The following HIPK2 variants were observed in gnomAD, a reference collection of about 807,000 sequenced individuals.
The protein encoded by HIPK2 is homeodomain-interacting protein kinase 2.
Under a neutral mutation model 113.7 loss-of-function variants are expected in HIPK2, and 27 were observed. That is an observed-to-expected ratio of 0.24 (90% CI 0.17 to 0.33). HIPK2 has a LOEUF of 0.33. Ranked by LOEUF, HIPK2 falls within the 10% of genes least tolerant of loss-of-function variation. HIPK2 has a pLI of 1.00. For synonymous variants in HIPK2, 631 were observed against 642.2 expected (o/e 0.98, Z 0.26); for missense variants, 1,257 against 1,588.0 (o/e 0.79, Z 3.54).
intron 1 of HIPK2, among the ~76,000 whole-genome samples, chr7:139,734,777 C>A (rs1207246835): frequency 6.6e-6 from 1 of 152,210 alleles, no homozygotes; most frequent in Non-Finnish European, 1.5e-5. Flanking sequence ...GGACTCCTAA[C>A]TTGTATGGTG....
chr7:139,682,293 G>A (rs778521103), intron 2 of HIPK2, among the ~76,000 whole-genome samples: 1 of 152,188 alleles, frequency 6.6e-6, no homozygotes, highest in Admixed American at 6.5e-5. Context: ...AGCCCATAGT[G>A]AGTCAAGACC....
intron 6 of HIPK2, 40 bp downstream of exon 6, chr7:139,626,561 T>C: frequency 6.3e-7 from 1 of 1,585,326 alleles, no homozygotes; most frequent in Non-Finnish European, 8.6e-7. Context: ...CCTTTAAAGT[T>C]TGCCGATCCC....
intron 1 of HIPK2, among the ~76,000 whole-genome samples, chr7:139,720,722 AG>A (rs1795383490): frequency 6.6e-6 from 1 of 152,222 alleles, no homozygotes; most frequent in African/African-American, 2.4e-5. Flanking sequence ...AAAGCAAAAC[AG>A]CCATTTCCTT....
intron 7 of HIPK2, among the ~76,000 whole-genome samples, chr7:139,620,142 C>A (rs1362817703): frequency 6.6e-6 from 1 of 152,254 alleles, no homozygotes; most frequent in East Asian, 1.9e-4. Flanking sequence ...CACATCAGGA[C>A]AGAGGAAAGC....
intron 1 of HIPK2, among the ~76,000 whole-genome samples, chr7:139,743,677 C>T (rs1169394412): frequency 2.0e-5 from 3 of 149,764 alleles, no homozygotes; most frequent in Admixed American, 2.0e-4. Flanking sequence ...CCCTGCTGTT[C>T]CAAGTTCCAG....
chr7:139,648,502 A>G (rs184579701), intron 2 of HIPK2, among the ~76,000 whole-genome samples: 9 of 152,280 alleles, frequency 5.9e-5, no homozygotes, highest in Admixed American at 5.9e-4. Flanking sequence ...GGAAAGGCTG[A>G]TGAAGGGAAT....
chr7:139,638,656 C>CTTTTTTTTTTTTTTTTTTTTTTTTTT lies in HIPK2; in HGVS notation c.1104-6932_1104-6931insAAAAAAAAAAAAAAAAAAAAAAAAAA, dbSNP rs1184555180. 6.1e-5 allele frequency among the ~76,000 whole-genome samples: 8 copies of CTTTTTTTTTTTTTTTTTTTTTTTTTT among 130,248 alleles called. 1 individual carries two copies. The highest frequency in any genetic ancestry group is 2.4e-4 in the African/African-American group (8 of 32,922). The allele number at this position is 130,248 out of a possible 152,430, so 85.4% of individuals were successfully genotyped here. On this transcript the variant is annotated intron_variant, in intron 2 of 14. Transcript: ENST00000406875. ...CTGGAGAAAGAGAGTAAATAATTGT[C>CTTTTTTTTTTTTTTTTTTTTTTTTTT]TTTTTTTTTTTTTTTTTTTGAGACA...
At chr7:139,707,473 C>G (rs1325658658) in intron 2 of HIPK2, among the ~76,000 whole-genome samples, 1 of 152,246 alleles carries the variant, frequency 6.6e-6, no homozygotes, top group East Asian at 1.9e-4. Flanking sequence ...ATCGAGGACT[C>G]AGAACATGCT....
intron 2 of HIPK2, among the ~76,000 whole-genome samples, chr7:139,691,551 CTA>C (rs1238408581): frequency 6.6e-6 from 1 of 152,252 alleles, no homozygotes; most frequent in Admixed American, 6.5e-5. Flanking sequence ...AGCACAATTT[CTA>C]TGTGAAACAC....
intron 1 of HIPK2, among the ~76,000 whole-genome samples, chr7:139,718,007 G>C (rs1795299496): frequency 6.6e-6 from 1 of 152,118 alleles, no homozygotes; most frequent in Non-Finnish European, 1.5e-5. Context: ...GCCTCCCAAA[G>C]TGCTGGGATT....
intron 2 of HIPK2, among the ~76,000 whole-genome samples, chr7:139,672,100 A>G (rs1291846152): frequency 2.0e-5 from 3 of 152,036 alleles, no homozygotes; most frequent in African/African-American, 7.2e-5. Context: ...ATTGTTCAAT[A>G]TTTATCTAGT....
At chr7:139,688,129 G>A (rs973423369) in intron 2 of HIPK2, among the ~76,000 whole-genome samples, 2 of 151,952 alleles carry the variant, frequency 1.3e-5, no homozygotes, top group East Asian at 1.9e-4. Context: ...GGGCCTGCAG[G>A]GACAATCCAC....
At chr7:139,636,698 T>C (rs1166608442) in intron 2 of HIPK2, among the ~76,000 whole-genome samples, 1 of 152,294 alleles carries the variant, frequency 6.6e-6, no homozygotes, top group Non-Finnish European at 1.5e-5. Flanking sequence ...CATGGCCCTG[T>C]TGACACCTTG....
At chr7:139,616,663 T>C (rs1800054419) in intron 7 of HIPK2, among the ~76,000 whole-genome samples, 1 of 152,212 alleles carries the variant, frequency 6.6e-6, no homozygotes, top group Non-Finnish European at 1.5e-5. Context: ...AATGAATTGC[T>C]CCTTCCTTTG....
intron 2 of HIPK2, among the ~76,000 whole-genome samples, chr7:139,684,003 G>A (rs186224362): frequency 5.3e-5 from 8 of 151,570 alleles, no homozygotes; most frequent in Admixed American, 3.9e-4. Flanking sequence ...ACCGTGCATC[G>A]AGCCGGTCTA....
At position 139,633,062 on chromosome 7, in the gene HIPK2, C is replaced by T. The variant is rs542531430; in HGVS notation, c.1104-1337G>A. On this transcript the variant is annotated intron_variant, in intron 2 of 14. Transcript: ENST00000406875. ...AGTGAGCTGAGATTGCACCACTCTACTCCAGCCTGGACGACAGAAATAGAC... is the reference window on the plus strand; with the variant it reads ...AGTGAGCTGAGATTGCACCACTCTATTCCAGCCTGGACGACAGAAATAGAC... Among the ~76,000 whole-genome samples, 22 of 138,066 alleles carry T rather than the reference C, an allele frequency of 1.6e-4. No homozygotes were observed. The East Asian group carries it at 4.3e-3, about 27-fold the overall frequency. The allele number at this position is 138,066 out of a possible 152,430, so 90.6% of individuals were successfully genotyped here.
At chr7:139,596,660 C>T (rs1291905575) in intron 12 of HIPK2, 57 bp downstream of exon 12, 5 of 1,578,764 alleles carry the variant, frequency 3.2e-6, no homozygotes, top group African/African-American at 1.3e-5. Context: ...GTCAGATCTG[C>T]ACACAATGCA....
chr7:139,699,996 C>G (rs1353283681), intron 2 of HIPK2, among the ~76,000 whole-genome samples: 1 of 152,192 alleles, frequency 6.6e-6, no homozygotes, highest in Non-Finnish European at 1.5e-5. Context: ...TCATCATTGC[C>G]TCGGACAGAA....
intron 2 of HIPK2, among the ~76,000 whole-genome samples, chr7:139,694,914 C>G (rs1794520351): frequency 2.0e-5 from 3 of 152,306 alleles, no homozygotes; most frequent in East Asian, 3.9e-4. Context: ...CAAGGAATAT[C>G]CTGCAAAACT....
Sources: allele counts gnomAD v4.1 joint callset (sites outside exome capture counted in the v4.1 genomes callset), GRCh38; gene constraint gnomAD v4.1.1; transcripts MANE v1.5; gene names NCBI Gene and HGNC (gene_info 2026-07-23, HGNC 2026-07-21).